Variants in RGS10 observed in about 807,000 individuals in gnomAD.
RGS10 encodes regulator of G-protein signalling 10.
RGS10 carries 11 observed loss-of-function variants against 23.5 expected under a neutral mutation model. The observed-to-expected ratio is 0.47, with a 90% CI of 0.29 to 0.77. The LOEUF is 0.77. Among genes scored for constraint, RGS10 ranks in the 30% least tolerant of loss-of-function variants. RGS10 has a pLI of 0.08. For missense variants in RGS10, 180 were observed against 226.3 expected (o/e 0.80, Z 1.31); for synonymous variants, 77 against 83.2 (o/e 0.92, Z 0.41).
chr10:119,527,956 G>A lies in RGS10; in HGVS notation c.50-532C>T, dbSNP rs990615500. 6.6e-6 allele frequency among the ~76,000 whole-genome samples: 1 copy of A among 152,144 alleles called. No individual in the cohort carries two copies. The highest frequency in any genetic ancestry group is 1.5e-5 in the Non-Finnish European group (1 of 68,030). Reference sequence around the variant, plus strand: ...AAACTCATTGCAGGACGGGACCCACGTGATGGCGCAAAATGTCAGAGGGTT... The same window carrying A: ...AAACTCATTGCAGGACGGGACCCACATGATGGCGCAAAATGTCAGAGGGTT... On this transcript the variant is annotated intron_variant, in intron 1 of 4. Transcript: ENST00000369103. This position sits in a 1 kb window ranked among gnomAD's most constrained non-coding sequence, Gnocchi z 4.2.
chr10:119,524,536 A>G lies in RGS10; in HGVS notation c.255+1496T>C, dbSNP rs1341558135. Among the ~76,000 whole-genome samples the G allele has an allele frequency of 4.6e-5, 7 of 152,190 alleles. No individual in the cohort carries two copies. The East Asian group carries it at 1.4e-3, about 29-fold the overall frequency. ...GGTCGCAGCGGTGGCACAGTCTAGC[A>G]TTTATCGATGGTGGTCCCCAGGCCC... On this transcript the variant is annotated intron_variant, in intron 3 of 4. Transcript: ENST00000369103. This position sits in a 1 kb window ranked among gnomAD's most constrained non-coding sequence, Gnocchi z 5.2.
At chr10:119,512,388 C>T (rs576355114) in intron 4 of RGS10, among the ~76,000 whole-genome samples, 2 of 151,776 alleles carry the variant, frequency 1.3e-5, no homozygotes, top group African/African-American at 4.9e-5. Context: ...TTGACAGTTA[C>T]AGCAAGGCCC....
Position 119,524,529 on chromosome 10 carries a change from G to C in RGS10, c.255+1503C>G, listed in dbSNP as rs11198997. 0.036 allele frequency among the ~76,000 whole-genome samples: 5,529 copies of C among 152,248 alleles called. 152 individuals are homozygous for C. The highest frequency in any genetic ancestry group is 0.095 in the East Asian group (488 of 5,164). On this transcript the variant is annotated intron_variant, in intron 3 of 4. Coordinates refer to ENST00000369103, the MANE Select transcript of RGS10 (RefSeq NM_001005339.2). The surrounding 1 kb of genome is among the most constrained non-coding windows in gnomAD (Gnocchi z 5.2). ...TGAGGCTGGTCGCAGCGGTGGCACA[G>C]TCTAGCATTTATCGATGGTGGTCCC...
chr10:119,510,457 C>T (rs1003908387), intron 4 of RGS10, among the ~76,000 whole-genome samples: 4 of 152,104 alleles, frequency 2.6e-5, no homozygotes, highest in Non-Finnish European at 5.9e-5. Context: ...GGGAGCCCTC[C>T]TTGAGCACAG....
Position 119,500,087 on chromosome 10 carries a change from G to C in RGS10, c.*26C>G. On this transcript the variant is annotated 3_prime_UTR_variant, in exon 5 of 5. Coordinates refer to ENST00000369103, the MANE Select transcript of RGS10 (RefSeq NM_001005339.2). ...AGAGGAAATTCCTTTGCTTCTTAAA[G>C]CTGCCAGTCCCGGCTTTTTGGGGGC... is the stretch of plus-strand genomic sequence containing the variant. 1 of 1,606,428 alleles carries C rather than the reference G, an allele frequency of 6.2e-7. No individual in the cohort carries two copies. Among genetic ancestry groups the C allele is most frequent in the Non-Finnish European group, 8.5e-7 (1 of 1,177,558 alleles).
chr10:119,504,813 AG>A, intron 4 of RGS10, among the ~76,000 whole-genome samples: 1 of 152,254 alleles, frequency 6.6e-6, no homozygotes, highest in South Asian at 2.1e-4. Context: ...TGTAAGCTGA[AG>A]GGGCAAGTAA....
rs148362736 is a variant in RGS10 at position 119,541,666 on chromosome 10, G to A, written c.49+924C>T. The stretch of plus-strand genomic sequence containing the variant: ...CCAAGCAGAAGTGAATCTTGGCGTG[G>A]GAAGCCCGGCAAAGCCCCCGAACTT... On this transcript the variant is annotated intron_variant, in intron 1 of 4. Transcript: ENST00000369103. 6.2e-3 allele frequency among the ~76,000 whole-genome samples: 945 copies of A among 152,294 alleles called. 10 individuals carry two copies. The highest frequency in any genetic ancestry group is 0.022 in the African/African-American group (905 of 41,560).
At position 119,527,194 on chromosome 10, in the gene RGS10, A is replaced by T. The variant is rs1439242530; in HGVS notation, c.168+112T>A. On this transcript the variant is annotated intron_variant, in intron 2 of 4. Coordinates refer to ENST00000369103, the MANE Select transcript of RGS10 (RefSeq NM_001005339.2). This position sits in a 1 kb window ranked among gnomAD's most constrained non-coding sequence, Gnocchi z 4.2. ...GACAGTACTGAACTCTCAAGCTGGC[A>T]TAGAGAGTGCTACGCTGACAGACAA... 1 of 716,712 alleles carries T rather than the reference A, an allele frequency of 1.4e-6. No homozygotes were observed. The highest frequency in any genetic ancestry group is 1.8e-5 in the African/African-American group (1 of 56,784). The allele number at this position is 716,712 out of a possible 1,614,324, so 44.4% of individuals were successfully genotyped here.
At chr10:119,541,271 G>A (rs1045478725) in intron 1 of RGS10, among the ~76,000 whole-genome samples, 6 of 152,092 alleles carry the variant, frequency 3.9e-5, no homozygotes, top group African/African-American at 1.4e-4. Flanking sequence ...CACCCACAAG[G>A]GAATTCTTTG....
At chr10:119,533,453 G>T (rs1400893703) in intron 1 of RGS10, among the ~76,000 whole-genome samples, 1 of 152,100 alleles carries the variant, frequency 6.6e-6, no homozygotes, top group Non-Finnish European at 1.5e-5. Flanking sequence ...GTTACAACCA[G>T]TCCAGTAATA....
rs546564816 is a variant in RGS10, at chr10:119,540,313, C to T, written c.49+2277G>A. Among the ~76,000 whole-genome samples the T allele has an allele frequency of 7.5e-4, 114 of 152,256 alleles. No homozygotes were observed. The South Asian group carries it at 0.02, about 27-fold the overall frequency. On this transcript the variant is annotated intron_variant, in intron 1 of 4. Transcript: ENST00000369103. ...TCACCCAGGGTGAAGTGCAGTGGCA[C>T]GATCTAAGCTCACTGTAGCCTCAAC... is the stretch of plus-strand genomic sequence containing the variant.
intron 1 of RGS10, 100 bp downstream of exon 1, chr10:119,542,490 G>T: frequency 9.3e-7 from 1 of 1,080,266 alleles, no homozygotes; most frequent in Non-Finnish European, 1.2e-6. Flanking sequence ...AGTCTGGGAG[G>T]TACCACCGAG....
At chr10:119,535,879 A>G (rs1451847496) in intron 1 of RGS10, among the ~76,000 whole-genome samples, 4 of 152,342 alleles carry the variant, frequency 2.6e-5, no homozygotes, top group South Asian at 2.1e-4. Context: ...TCTACTTTGT[A>G]ATGAAGTTTC....
chr10:119,521,584 G>C (rs1844215771), intron 3 of RGS10, among the ~76,000 whole-genome samples: 2 of 128,992 alleles, frequency 1.6e-5, no homozygotes. Flanking sequence ...AAAAAAGAAA[G>C]AAAGGAAGGA....
intron 2 of RGS10, among the ~76,000 whole-genome samples, chr10:119,526,508 T>A (rs1181047019): frequency 6.6e-6 from 1 of 152,264 alleles, no homozygotes; most frequent in Non-Finnish European, 1.5e-5. Flanking sequence ...ACATTAAGTA[T>A]GTCTAAAGAC....
intron 4 of RGS10, among the ~76,000 whole-genome samples, chr10:119,514,289 A>G (rs1239936989): frequency 6.6e-6 from 1 of 151,894 alleles, no homozygotes; most frequent in Admixed American, 6.6e-5. Context: ...CTCAGGAGGC[A>G]GAGGTGGCAG....
In RGS10 at chr10:119,517,469, C is replaced by A. The variant is rs1014151027; in HGVS notation, c.256-1817G>T. On this transcript the variant is annotated intron_variant, in intron 3 of 4. Coordinates refer to ENST00000369103, the MANE Select transcript of RGS10 (RefSeq NM_001005339.2). This position sits in a 1 kb window ranked among gnomAD's most constrained non-coding sequence, Gnocchi z 5.0. ...TTAGGAGCTGGCCCTGCTGTCCTCT[C>A]CAAGACCCACCAGCTCCATGAAGCC... Among the ~76,000 whole-genome samples the A allele has an allele frequency of 2.0e-5, 3 of 152,214 alleles. No individual in the cohort carries two copies. The highest frequency in any genetic ancestry group is 3.9e-4 in the East Asian group (2 of 5,192).
chr10:119,506,167 C>T (rs1461591843), intron 4 of RGS10, among the ~76,000 whole-genome samples: 3 of 152,222 alleles, frequency 2.0e-5, no homozygotes, highest in South Asian at 2.1e-4. Flanking sequence ...ATTGACGAGG[C>T]TGTCGGGGCA....
chr10:119,509,006 T>A lies in RGS10; in HGVS notation c.399+6503A>T, dbSNP rs894384729. On this transcript the variant is annotated intron_variant, in intron 4 of 4. Coordinates refer to ENST00000369103, the MANE Select transcript of RGS10 (RefSeq NM_001005339.2). ...GTCCCAGCTACTCAGCAGTCTAAGG[T>A]TAGAGGATGGATCGAGCCTGGGAGG... is the stretch of plus-strand genomic sequence containing the variant. Among the ~76,000 whole-genome samples the A allele has an allele frequency of 2.6e-5, 4 of 151,956 alleles. No homozygotes were observed. The South Asian group carries it at 8.3e-4, about 32-fold the overall frequency.
Sources: allele counts gnomAD v4.1 joint callset (sites outside exome capture counted in the v4.1 genomes callset), GRCh38; gene constraint gnomAD v4.1.1; non-coding constraint Gnocchi (gnomAD v3.1); transcripts MANE v1.5; gene names NCBI Gene and HGNC (gene_info 2026-07-23, HGNC 2026-07-21).